GPM6A: variants seen among roughly 807,000 people sequenced by gnomAD.
The protein encoded by GPM6A is neuronal membrane glycoprotein M6-a.
Under a neutral mutation model 32.1 loss-of-function variants are expected in GPM6A, and 7 were observed. The observed-to-expected ratio is 0.22, with a 90% CI of 0.12 to 0.41. The LOEUF (loss-of-function observed/expected upper bound fraction) is 0.41, where lower values mean the gene tolerates loss of function less well. GPM6A is among the 10% of genes least tolerant of loss of function. The probability of loss-of-function intolerance (pLI) is 1.00; values close to 1 mark genes in which losing one functional copy is unlikely to be tolerated. For missense variants in GPM6A, 235 were observed against 347.2 expected, an observed-to-expected ratio of 0.68 and a Z score of 2.57; for synonymous variants, 130 against 123.4, an observed-to-expected ratio of 1.05 and a Z score of -0.35.
intron 1 of GPM6A, among the ~76,000 whole-genome samples, chr4:175,998,012 T>C (rs1462743778): frequency 6.6e-6 from 1 of 152,178 alleles, no homozygotes; most frequent in Non-Finnish European, 1.5e-5. Flanking sequence ...GATAATTCAT[T>C]TCATGGGTTT....
At chr4:175,701,544 GA>G in intron 2 of GPM6A, 30 bp downstream of exon 2, 1 of 1,518,830 alleles carries the variant, frequency 6.6e-7, no homozygotes, top group Non-Finnish European at 9.1e-7. Flanking sequence ...TATATACATG[GA>G]AAATAACAAG....
intron 1 of GPM6A, among the ~76,000 whole-genome samples, chr4:175,972,184 T>G (rs534811999): frequency 4.6e-5 from 7 of 152,218 alleles, no homozygotes; most frequent in African/African-American, 1.7e-4. Flanking sequence ...AAAAGAAAAT[T>G]TGTGTCAAAG....
In GPM6A at chr4:175,694,734, A is replaced by C. The variant is rs1744480875; in HGVS notation, c.230+6841T>G. Among the ~76,000 whole-genome samples the C allele has an allele frequency of 2.6e-5, 4 of 152,352 alleles. No individual in the cohort carries two copies. In the South Asian group the frequency reaches 6.2e-4, roughly 24 times the overall value. ...AAGAAAAGCCCATTTTCAGTGGTGG[A>C]ATTCAAGCAGGCTGCAGAAATTTAC... is the stretch of plus-strand genomic sequence containing the variant. On this transcript the variant is annotated intron_variant, in intron 2 of 6. Transcript: ENST00000393658.
At chr4:175,739,942 T>C (rs1731811415) in intron 1 of GPM6A, among the ~76,000 whole-genome samples, 1 of 152,036 alleles carries the variant, frequency 6.6e-6, no homozygotes, top group Non-Finnish European at 1.5e-5. Context: ...TACATAAAAA[T>C]ATTCTGGAAA....
chr4:175,747,792 G>C (rs760775956), intron 1 of GPM6A, among the ~76,000 whole-genome samples: 7 of 145,392 alleles, frequency 4.8e-5, no homozygotes, highest in Non-Finnish European at 9.3e-5. Flanking sequence ...CAACAGTGAA[G>C]TTTGCCACAT....
At chr4:175,907,541 C>G (rs1225438877) in intron 1 of GPM6A, among the ~76,000 whole-genome samples, 1 of 152,120 alleles carries the variant, frequency 6.6e-6, no homozygotes, top group East Asian at 1.9e-4. Flanking sequence ...TGAGGACATG[C>G]TACCCCCAAA....
intron 1 of GPM6A, chr4:175,807,649 T>TTGGC: frequency 6.6e-6 from 1 of 152,336 alleles, no homozygotes; most frequent in South Asian, 2.1e-4. Context: ...CACTTACAGA[T>TTGGC]TGGCTGCCCT....
chr4:175,651,495 G>A (rs890402839), intron 4 of GPM6A, among the ~76,000 whole-genome samples: 2 of 151,912 alleles, frequency 1.3e-5, no homozygotes, highest in African/African-American at 4.8e-5. Context: ...TATCATGGGA[G>A]GATAAAAGTA....
chr4:175,932,859 T>TA (rs1395434166), intron 1 of GPM6A, among the ~76,000 whole-genome samples: 3 of 151,726 alleles, frequency 2.0e-5, no homozygotes, highest in African/African-American at 7.3e-5. Flanking sequence ...AAGAGAATGG[T>TA]AAAAATACCT....
chr4:175,754,260 C>T (rs940664682), intron 1 of GPM6A, among the ~76,000 whole-genome samples: 1 of 152,026 alleles, frequency 6.6e-6, no homozygotes, highest in African/African-American at 2.4e-5. Context: ...CCTTGATATG[C>T]TCAAGTTAGT....
At chr4:175,892,758 T>C (rs1737685594) in intron 1 of GPM6A, among the ~76,000 whole-genome samples, 1 of 152,220 alleles carries the variant, frequency 6.6e-6, no homozygotes, top group Non-Finnish European at 1.5e-5. Context: ...TGAGCAACTA[T>C]TCCCAAAACT....
intron 1 of GPM6A, among the ~76,000 whole-genome samples, chr4:175,791,192 G>T (rs183423755): frequency 3.3e-5 from 5 of 152,112 alleles, no homozygotes; most frequent in Admixed American, 3.3e-4. Flanking sequence ...AAATCAGATG[G>T]CAGATGGGCT....
chr4:175,852,886 A>G (rs996253342), intron 1 of GPM6A, among the ~76,000 whole-genome samples: 2 of 152,194 alleles, frequency 1.3e-5, no homozygotes, highest in Admixed American at 1.3e-4. Flanking sequence ...GAAAAGATAT[A>G]TCACCTTGTT....
At chr4:175,784,180 C>T (rs1733711977) in intron 1 of GPM6A, among the ~76,000 whole-genome samples, 1 of 151,998 alleles carries the variant, frequency 6.6e-6, no homozygotes, top group African/African-American at 2.4e-5. Context: ...AGTCTTCCCC[C>T]AAATCTATAA....
chr4:175,753,143 A>G (rs757270676), intron 1 of GPM6A, among the ~76,000 whole-genome samples: 1 of 152,198 alleles, frequency 6.6e-6, no homozygotes. Flanking sequence ...GATTTTCAAC[A>G]TCATTAATAT....
At chr4:175,755,621 T>G (rs905771912) in intron 1 of GPM6A, among the ~76,000 whole-genome samples, 4 of 152,178 alleles carry the variant, frequency 2.6e-5, no homozygotes, top group Admixed American at 6.5e-5. Flanking sequence ...ATAAATTTGC[T>G]TCTATTTCAA....
chr4:175,730,826 C>T (rs146072259), intron 1 of GPM6A, among the ~76,000 whole-genome samples: 1 of 152,184 alleles, frequency 6.6e-6, no homozygotes, highest in African/African-American at 2.4e-5. Context: ...CCATGTTCAC[C>T]AAAGTACATG....
intron 1 of GPM6A, chr4:175,962,484 G>T: frequency 1.7e-6 from 1 of 599,252 alleles, no homozygotes. Flanking sequence ...ATGCGCAAGT[G>T]AAGTCACAGC....
chr4:175,748,681 T>C (rs1732200767), intron 1 of GPM6A, among the ~76,000 whole-genome samples: 1 of 152,164 alleles, frequency 6.6e-6, no homozygotes, highest in Non-Finnish European at 1.5e-5. Context: ...TAAATAAACA[T>C]TAAAGTTACC....
Sources: gnomAD v4.1 joint callset for allele counts (sites outside exome capture counted in the v4.1 genomes callset) on GRCh38, gnomAD v4.1.1 for gene constraint, MANE v1.5 for transcripts, NCBI Gene and HGNC (gene_info 2026-07-23, HGNC 2026-07-21) for gene names.